The following CDYL variants were observed in gnomAD, a reference collection of about 807,000 sequenced individuals.
CDYL encodes chromodomain Y-like protein.
A neutral mutation model predicts 47.3 loss-of-function variants in CDYL; 8 were observed. The ratio of observed to expected loss-of-function variants is 0.17; its 90% CI spans 0.10 to 0.31. The LOEUF (loss-of-function observed/expected upper bound fraction) is 0.31, where lower values mean the gene tolerates loss of function less well. Ranked by LOEUF, CDYL falls within the 10% of genes least tolerant of loss-of-function variation. The pLI is 1.00. For missense variants in CDYL, 471 were observed against 701.4 expected, an observed-to-expected ratio of 0.67 and a Z score of 3.71; for synonymous variants, 266 against 265.0, an observed-to-expected ratio of 1.00 and a Z score of -0.04.
rs184209384 is a variant in CDYL, at chr6:4,923,995, G to A, written c.692-11520G>A. On this transcript the variant is annotated intron_variant, in intron 2 of 6. Coordinates refer to ENST00000397588, the MANE Select transcript of CDYL (RefSeq NM_004824.4). ...CCTGGCAATCCCGTTGCAGAGTCAG[G>A]GTGAGAACCCCTGCTGTCATGTGGC... 7.9e-5 allele frequency among the ~76,000 whole-genome samples: 12 copies of A among 152,126 alleles called. No individual in the cohort carries two copies. In the South Asian group the frequency reaches 2.3e-3, roughly 29 times the overall value.
intron 3 of CDYL, among the ~76,000 whole-genome samples, chr6:4,755,188 G>A (rs1315590547): frequency 6.6e-6 from 1 of 151,416 alleles, no homozygotes; most frequent in Non-Finnish European, 1.5e-5. Context: ...GCCTCCCAAA[G>A]TAGCTGGGAT....
chr6:4,866,190 C>G (rs534041125), intron 1 of CDYL, among the ~76,000 whole-genome samples: 1 of 152,004 alleles, frequency 6.6e-6, no homozygotes, highest in Non-Finnish European at 1.5e-5. Context: ...ATTTTGGAGT[C>G]GGTCAAGTAC....
chr6:4,751,303 T>A (rs554367324), intron 3 of CDYL, among the ~76,000 whole-genome samples: 1 of 152,318 alleles, frequency 6.6e-6, no homozygotes, highest in African/African-American at 2.4e-5. Flanking sequence ...GGGAATCCGT[T>A]AGAAATGCAG....
intron 1 of CDYL, among the ~76,000 whole-genome samples, chr6:4,885,633 C>T (rs1401639592): frequency 2.0e-5 from 3 of 152,218 alleles, no homozygotes; most frequent in African/African-American, 7.2e-5. Flanking sequence ...TGGTAGTTTG[C>T]AAGCAGGTAA....
At chr6:4,816,475 C>T (rs2046659689) in intron 1 of CDYL, among the ~76,000 whole-genome samples, 2 of 148,700 alleles carry the variant, frequency 1.3e-5, no homozygotes, top group Non-Finnish European at 3.0e-5. Context: ...AGCAGTTATA[C>T]TTTGATTTAT....
chr6:4,865,610 G>A (rs1039796694), intron 1 of CDYL, among the ~76,000 whole-genome samples: 1 of 152,208 alleles, frequency 6.6e-6, no homozygotes, highest in African/African-American at 2.4e-5. Context: ...GGTAAAATGT[G>A]TTTGTAATCC....
At chr6:4,743,812 A>G (rs1449549465) in intron 3 of CDYL, among the ~76,000 whole-genome samples, 1 of 152,258 alleles carries the variant, frequency 6.6e-6, no homozygotes, top group Non-Finnish European at 1.5e-5. Flanking sequence ...TGGTAACCCC[A>G]CAGATGTGGC....
chr6:4,776,729 G>C lies in CDYL; in HGVS notation c.-55G>C. On this transcript the variant is annotated 5_prime_UTR_variant, in exon 1 of 7. Coordinates refer to ENST00000397588, the MANE Select transcript of CDYL (RefSeq NM_004824.4). ...AACTGAAACAAAGTGTCGGCCGCCC[G>C]GCGCCGGCGCCCGCCCCGACCCTGC... 5 of 1,267,472 alleles carry C rather than the reference G, an allele frequency of 3.9e-6. No homozygotes were observed. The South Asian group carries it at 5.5e-5, about 14-fold the overall frequency. The allele number at this position is 1,267,472 out of a possible 1,614,324, so 78.5% of individuals were successfully genotyped here. A position where few individuals can be genotyped will look rare whatever the true frequency, so the allele number is the denominator to read the frequency against.
chr6:4,825,455 A>G (rs1474660555), intron 1 of CDYL, among the ~76,000 whole-genome samples: 1 of 152,100 alleles, frequency 6.6e-6, no homozygotes, highest in Non-Finnish European at 1.5e-5. Context: ...TACACTTCAC[A>G]ATTGAGTGTA....
At chr6:4,784,911 A>G (rs9504252) in intron 1 of CDYL, among the ~76,000 whole-genome samples, 9,175 of 150,230 alleles carry the variant, frequency 0.061, 958 homozygotes, top group African/African-American at 0.22. Context: ...CCCCTGCACA[A>G]GCTCTCTTGC....
intron 6 of CDYL, 112 bp from the exon 7 acceptor site, chr6:4,953,786 T>C (rs1242632455): frequency 9.8e-7 from 1 of 1,020,116 alleles, no homozygotes; most frequent in Admixed American, 2.5e-5. Flanking sequence ...TGGTAACCTT[T>C]TTAACAGGTG....
At chr6:4,742,514 GGAAAA>G (rs1757815507) in intron 3 of CDYL, among the ~76,000 whole-genome samples, 2 of 151,060 alleles carry the variant, frequency 1.3e-5, no homozygotes, top group African/African-American at 2.4e-5. Context: ...AAATCCTGCT[GGAAAA>G]GAAAAGAAAA....
intron 2 of CDYL, among the ~76,000 whole-genome samples, chr6:4,914,202 G>A (rs1757490954): frequency 2.0e-5 from 2 of 100,710 alleles, no homozygotes; most frequent in African/African-American, 3.7e-5. Flanking sequence ...GAGTGAAAGA[G>A]TTCTTTTTTT....
chr6:4,719,849 C>T (rs1757336515), intron 2 of CDYL, among the ~76,000 whole-genome samples: 1 of 152,138 alleles, frequency 6.6e-6, no homozygotes, highest in Non-Finnish European at 1.5e-5. Context: ...CCCAAAATAC[C>T]TTCTATGGCC....
chr6:4,927,397 T>G (rs1420974276), intron 2 of CDYL, among the ~76,000 whole-genome samples: 1 of 151,062 alleles, frequency 6.6e-6, no homozygotes, highest in Non-Finnish European at 1.5e-5. Context: ...TATGTTTTAG[T>G]GTTTTCATTC....
rs553407216 is a variant in CDYL at position 4,717,889 on chromosome 6, T to C, written c.103+2008T>C. On this transcript the variant is annotated intron_variant, in intron 2 of 8. Coordinates refer to the CDYL transcript ENST00000328908. ...TGAGACAGGGTCTCACTCTATCACA[T>C]AGGCTGAAGTGCAGTGGCTCAGGAC... Among the ~76,000 whole-genome samples, 29 of 151,622 alleles carry C rather than the reference T, an allele frequency of 1.9e-4. No individual in the cohort carries two copies. In the South Asian group the frequency reaches 6.1e-3, roughly 32 times the overall value.
intron 1 of CDYL, among the ~76,000 whole-genome samples, chr6:4,796,542 T>A (rs571275752): frequency 6.6e-6 from 1 of 152,324 alleles, no homozygotes; most frequent in South Asian, 2.1e-4. Flanking sequence ...ATTATAGGTT[T>A]GCCAATAAAT....
At chr6:4,789,595 C>T (rs985739536) in intron 1 of CDYL, among the ~76,000 whole-genome samples, 4 of 152,188 alleles carry the variant, frequency 2.6e-5, no homozygotes, top group South Asian at 2.1e-4. Flanking sequence ...CTCTGCAGTG[C>T]TCTGTGAGCT....
At chr6:4,929,465 C>A (rs1351862414) in intron 2 of CDYL, among the ~76,000 whole-genome samples, 1 of 147,368 alleles carries the variant, frequency 6.8e-6, no homozygotes, top group Non-Finnish European at 1.5e-5. Context: ...GGAAAACTTT[C>A]CACTATTATT....
Sources: allele counts gnomAD v4.1 joint callset (sites outside exome capture counted in the v4.1 genomes callset), GRCh38; gene constraint gnomAD v4.1.1; transcripts MANE v1.5; gene names NCBI Gene and HGNC (gene_info 2026-07-23, HGNC 2026-07-21).